Variants in SCRG1 observed in about 807,000 individuals in gnomAD.
The protein encoded by SCRG1 is scrapie-responsive protein 1.
In SCRG1, 3 loss-of-function variants were observed where a neutral mutation model predicts 7.7. That is an observed-to-expected ratio of 0.39 (90% CI 0.18 to 1.01). SCRG1 has a LOEUF of 1.01. Among genes scored for constraint, SCRG1 ranks in the 50% least tolerant of loss-of-function variants. The pLI is 0.36. For missense variants in SCRG1, 110 were observed against 117.2 expected, an observed-to-expected ratio of 0.94 and a Z score of 0.28; for synonymous variants, 46 against 41.2, an observed-to-expected ratio of 1.12 and a Z score of -0.44.
chr4:173,513,929 A>G, the SCRG1 span, among the ~76,000 whole-genome samples: 1 of 152,196 alleles, frequency 6.6e-6, no homozygotes, highest in African/African-American at 2.4e-5. Flanking sequence ...CATTTTGGGT[A>G]TTTTTAAACC....
At chr4:173,478,855 A>C in the SCRG1 span, among the ~76,000 whole-genome samples, 1 of 152,186 alleles carries the variant, frequency 6.6e-6, no homozygotes, top group Non-Finnish European at 1.5e-5. Context: ...AGACTTTAGG[A>C]ATGATGTTTG....
At chr4:173,428,592 A>G in the SCRG1 span, among the ~76,000 whole-genome samples, 3 of 152,250 alleles carry the variant, frequency 2.0e-5, no homozygotes, top group South Asian at 2.1e-4. Context: ...GGAGCCTTCA[A>G]TAACAGGAGG....
At chr4:173,515,759 A>G in the SCRG1 span, among the ~76,000 whole-genome samples, 1 of 152,042 alleles carries the variant, frequency 6.6e-6, no homozygotes, top group Non-Finnish European at 1.5e-5. This position sits in a 1 kb window ranked among gnomAD's most constrained non-coding sequence, Gnocchi z 4.6. Flanking sequence ...CTTAGTTCTC[A>G]GGTTTCCCGT....
the SCRG1 span, among the ~76,000 whole-genome samples, chr4:173,497,213 C>G: frequency 1.3e-5 from 2 of 152,226 alleles, no homozygotes; most frequent in African/African-American, 4.8e-5. Flanking sequence ...GAAAGCTACA[C>G]ATTGACCACC....
chr4:173,439,426 G>T, the SCRG1 span, among the ~76,000 whole-genome samples: 10 of 151,736 alleles, frequency 6.6e-5, no homozygotes, highest in East Asian at 2.0e-3. Flanking sequence ...CTTGGGAGGA[G>T]ATCACTTGGG....
At chr4:173,447,875 C>A in the SCRG1 span, among the ~76,000 whole-genome samples, 1 of 152,164 alleles carries the variant, frequency 6.6e-6, no homozygotes, top group Non-Finnish European at 1.5e-5. Flanking sequence ...GAGGCCGAGG[C>A]AGGCGAATCA....
At chr4:173,400,405 G>T (rs1400971568), upstream of SCRG1, among the ~76,000 whole-genome samples, 1 of 152,096 alleles carries the variant, frequency 6.6e-6, no homozygotes, top group East Asian at 1.9e-4. Context: ...AGGAGGAGTG[G>T]GAAAATAGAA....
chr4:173,474,065 G>C, the SCRG1 span, among the ~76,000 whole-genome samples: 1 of 152,000 alleles, frequency 6.6e-6, no homozygotes, highest in Non-Finnish European at 1.5e-5. Flanking sequence ...CTGTAATCCC[G>C]GCTACTCAGG....
the SCRG1 span, among the ~76,000 whole-genome samples, chr4:173,464,827 G>T: frequency 0.59 from 90,123 of 151,994 alleles, 29,290 homozygotes; most frequent in Non-Finnish European, 0.74. Context: ...ATAGCCAAAA[G>T]GTAGAAACAA....
chr4:173,484,529 A>ATTATATATTATGTATATTTTATATG, the SCRG1 span, among the ~76,000 whole-genome samples: 3 of 84,060 alleles, frequency 3.6e-5, no homozygotes, highest in African/African-American at 1.5e-4. Context: ...TATAATATAT[A>ATTATATATTATGTATATTTTATATG]TTATATATTA....
At chr4:173,470,335 G>A in the SCRG1 span, among the ~76,000 whole-genome samples, 3 of 152,134 alleles carry the variant, frequency 2.0e-5, no homozygotes, top group Non-Finnish European at 4.4e-5. Context: ...TCATATGAGA[G>A]ATGCAAGACA....
chr4:173,416,528 G>A, the SCRG1 span, among the ~76,000 whole-genome samples: 1 of 152,240 alleles, frequency 6.6e-6, no homozygotes, highest in Non-Finnish European at 1.5e-5. Context: ...TGAGGTGGGA[G>A]GATCGCTTAA....
the SCRG1 span, among the ~76,000 whole-genome samples, chr4:173,510,571 C>T: frequency 6.6e-6 from 1 of 152,142 alleles, no homozygotes; most frequent in Non-Finnish European, 1.5e-5. The surrounding 1 kb of genome is among the most constrained non-coding windows in gnomAD (Gnocchi z 5.7). Flanking sequence ...GATCCAGAAG[C>T]CCCGTTTCGA....
the SCRG1 span, among the ~76,000 whole-genome samples, chr4:173,434,825 C>T: frequency 6.6e-5 from 10 of 152,152 alleles, no homozygotes; most frequent in Admixed American, 3.9e-4. Context: ...AGTGAGACTC[C>T]GTCTCTAAAT....
At chr4:173,465,183 C>A in the SCRG1 span, among the ~76,000 whole-genome samples, 3 of 152,202 alleles carry the variant, frequency 2.0e-5, no homozygotes, top group African/African-American at 2.4e-5. Flanking sequence ...GGTTGTACAA[C>A]AATATGAGTG....
the SCRG1 span, among the ~76,000 whole-genome samples, chr4:173,486,224 A>G: frequency 2.0e-5 from 3 of 152,114 alleles, no homozygotes; most frequent in Admixed American, 6.6e-5. Flanking sequence ...GATTAAAGCA[A>G]TTTCATCTGA....
At chr4:173,466,617 A>G in the SCRG1 span, among the ~76,000 whole-genome samples, 2 of 152,184 alleles carry the variant, frequency 1.3e-5, no homozygotes. Flanking sequence ...CCTGATAAAT[A>G]TCTGACAAAA....
chr4:173,476,368 A>T, the SCRG1 span, among the ~76,000 whole-genome samples: 1 of 140,986 alleles, frequency 7.1e-6, no homozygotes, highest in African/African-American at 2.6e-5. Flanking sequence ...AAAAAAATAT[A>T]TATATATATA....
In SCRG1 at chr4:173,391,307, G is replaced by C. The variant is rs2126914525; in HGVS notation, c.108C>G (p.His36Gln). The C allele has an allele frequency of 6.2e-7, 1 of 1,614,108 alleles. No homozygotes were observed. The highest frequency in any genetic ancestry group is 8.5e-7 in the Non-Finnish European group (1 of 1,180,024). Reference sequence around the variant, plus strand: ...CTCCTTCCGGAAGGTTGTGACAGTTGTGATCTTTTAGTATCTTTCTGTAGC... The same window carrying C: ...CTCCTTCCGGAAGGTTGTGACAGTTCTGATCTTTTAGTATCTTTCTGTAGC... ...LSCYRKILKD[H>Q]NCHNLPEGVA... Residue 36 changes from histidine (H) to glutamine (Q), a missense_variant, in exon 2 of 3, where the codon CAC becomes CAG. Transcript: ENST00000296506.
Sources: allele counts gnomAD v4.1 joint callset (sites outside exome capture counted in the v4.1 genomes callset), GRCh38; gene constraint gnomAD v4.1.1; non-coding constraint Gnocchi (gnomAD v3.1); transcripts MANE v1.5; gene names NCBI Gene and HGNC (gene_info 2026-07-23, HGNC 2026-07-21).